Variants in MRPL44 observed in about 807,000 individuals in gnomAD.
MRPL44 encodes large ribosomal subunit protein mL44.
MRPL44 carries 21 observed loss-of-function variants against 25.9 expected under a neutral mutation model. The observed-to-expected ratio is 0.81, with a 90% CI of 0.58 to 1.17. The LOEUF is 1.17. Among genes scored for constraint, MRPL44 ranks in the 50% most tolerant of loss-of-function variants. The pLI is 0.00. For missense variants in MRPL44, 410 were observed against 398.9 expected, an observed-to-expected ratio of 1.03 and a Z score of -0.24; for synonymous variants, 169 against 151.0, an observed-to-expected ratio of 1.12 and a Z score of -0.87.
Position 223,958,263 on chromosome 2 carries a change from T to C in MRPL44, c.179+612T>C, listed in dbSNP as rs559042786. 5.3e-5 allele frequency among the ~76,000 whole-genome samples: 8 copies of C among 152,354 alleles called. No homozygotes were observed. In the South Asian group the frequency reaches 1.7e-3, roughly 32 times the overall value. ...GGTATTACAAAGATATGTACCTCAC[T>C]CTTTTTTATGGCTCTGTATATATGG... On this transcript the variant is annotated intron_variant, in intron 1 of 3. Transcript: ENST00000258383.
intron 3 of MRPL44, among the ~76,000 whole-genome samples, chr2:223,965,308 A>G (rs1487149966): frequency 2.6e-5 from 4 of 152,168 alleles, no homozygotes; most frequent in African/African-American, 9.6e-5. Flanking sequence ...AATTATTGTC[A>G]TAACAGATGT....
At chr2:223,964,661 A>G (rs903771473) in intron 3 of MRPL44, among the ~76,000 whole-genome samples, 1 of 152,158 alleles carries the variant, frequency 6.6e-6, no homozygotes, top group Non-Finnish European at 1.5e-5. Flanking sequence ...CATATCTTTT[A>G]TCATCAGTTT....
In MRPL44 at chr2:223,959,930, G is replaced by A; in HGVS notation, c.576G>A (p.Gln192=). ...EEFPVPPAVL[Q]QTFFAVIGAL... ...TCCCAGTGCCCCCAGCTGTGTTACA[G>A]CAGACTTTCTTTGCAGTTATTGGAG... is the stretch of plus-strand genomic sequence containing the variant. Residue 192 remains glutamine, a synonymous_variant, in exon 2 of 4, where the codon CAG becomes CAA. Coordinates refer to ENST00000258383, the MANE Select transcript of MRPL44 (RefSeq NM_022915.5). The A allele has an allele frequency of 6.2e-7, 1 of 1,614,230 alleles. No homozygotes were observed. The highest frequency in any genetic ancestry group is 2.2e-5 in the East Asian group (1 of 44,890).
At chr2:223,964,937 G>A (rs1689720029) in intron 3 of MRPL44, among the ~76,000 whole-genome samples, 1 of 152,026 alleles carries the variant, frequency 6.6e-6, no homozygotes, top group Non-Finnish European at 1.5e-5. Context: ...TATTCCACAA[G>A]AGGGAAATGA....
chr2:223,964,875 T>G lies in MRPL44; in HGVS notation c.827+941T>G, dbSNP rs188931423. Among the ~76,000 whole-genome samples the G allele has an allele frequency of 2.0e-5, 3 of 152,296 alleles. No individual in the cohort carries two copies. In the East Asian group the frequency reaches 5.8e-4, roughly 29 times the overall value. The stretch of plus-strand genomic sequence containing the variant: ...CATACTTTGAACAGTTGCTGGGACA[T>G]GGTGGTCAGTAAATAGTTGTTGAAC... On this transcript the variant is annotated intron_variant, in intron 3 of 3. Transcript: ENST00000258383.
the MRPL44 span, among the ~76,000 whole-genome samples, chr2:223,952,323 G>T: frequency 6.6e-6 from 1 of 152,068 alleles, no homozygotes; most frequent in Non-Finnish European, 1.5e-5. Flanking sequence ...CTCTTTTGTC[G>T]CAGCCCTCAA....
rs781235686 is a variant in MRPL44 at position 223,959,647 on chromosome 2, T to C, written c.293T>C (p.Ile98Thr). The C allele has an allele frequency of 2.5e-6, 4 of 1,614,258 alleles. No individual in the cohort carries two copies. In the Middle Eastern group the frequency reaches 4.9e-4, roughly 200 times the overall value. The change falls in exon 2 of 4, where the codon ATT becomes ACT. Residue 98 changes from isoleucine to threonine, a missense_variant. By Grantham distance (89) the Ile-to-Thr change is moderately conservative. Transcript: ENST00000258383. ...ACTGCATTTGTTAATAGCTGCTATA[T>C]TAAAAGTGAGGAGGCCAAACGCCAA... ...LKTAFVNSCY[I>T]KSEEAKRQQL... is the part of the protein sequence containing the mutation.
chr2:223,962,432 C>T (rs1372306765), intron 2 of MRPL44, among the ~76,000 whole-genome samples: 2 of 150,738 alleles, frequency 1.3e-5, no homozygotes, highest in East Asian at 3.9e-4. Context: ...AATTTCTTCC[C>T]TCTGCCTCCA....
chr2:223,951,478 G>GTTTTGTTT, the MRPL44 span, among the ~76,000 whole-genome samples: 2 of 112,544 alleles, frequency 1.8e-5, no homozygotes, highest in Admixed American at 9.6e-5. Flanking sequence ...TTACCTTGGA[G>GTTTTGTTT]TTTTTTTTTT....
chr2:223,964,807 A>G (rs942479541), intron 3 of MRPL44, among the ~76,000 whole-genome samples: 5 of 152,282 alleles, frequency 3.3e-5, no homozygotes, highest in African/African-American at 1.2e-4. Flanking sequence ...TTTACAGGCA[A>G]ATTTTGTGAA....
chr2:223,960,083 C>A, intron 2 of MRPL44, 81 bp downstream of exon 2: 1 of 1,167,038 alleles, frequency 8.6e-7, no homozygotes, highest in Non-Finnish European at 1.2e-6. Context: ...TGATATATCA[C>A]CTTGGAAGTG....
intron 2 of MRPL44, among the ~76,000 whole-genome samples, chr2:223,962,259 T>G (rs1408165837): frequency 1.3e-5 from 2 of 152,158 alleles, no homozygotes. Context: ...AACTCCTGAT[T>G]TCAAGTGATC....
upstream of MRPL44, chr2:223,957,416 T>TA: frequency 6.2e-7 from 1 of 1,603,530 alleles, no homozygotes; most frequent in Non-Finnish European, 8.5e-7. Flanking sequence ...GGAAGTGTGT[T>TA]ACGGGGACAC....
chr2:223,953,207 T>C (rs1428420808), upstream of MRPL44, among the ~76,000 whole-genome samples: 1 of 151,396 alleles, frequency 6.6e-6, no homozygotes, highest in Non-Finnish European at 1.5e-5. Context: ...CTATCTTGGC[T>C]CACTGCAACC....
chr2:223,951,478 G>GTTTTTTTTTTTGTTTTTTTTT, the MRPL44 span, among the ~76,000 whole-genome samples: 1 of 112,560 alleles, frequency 8.9e-6, no homozygotes, highest in Admixed American at 9.6e-5. Flanking sequence ...TTACCTTGGA[G>GTTTTTTTTTTTGTTTTTTTTT]TTTTTTTTTT....
upstream of MRPL44, chr2:223,957,306 C>T: frequency 2.6e-6 from 2 of 773,410 alleles, no homozygotes; most frequent in Non-Finnish European, 4.2e-6. Flanking sequence ...AATCACCCCG[C>T]CCCGGGGCTG....
At chr2:223,966,638 A>G (rs1221051944) in intron 3 of MRPL44, among the ~76,000 whole-genome samples, 2 of 152,230 alleles carry the variant, frequency 1.3e-5, no homozygotes, top group Non-Finnish European at 1.5e-5. Context: ...ACAGAGTTGT[A>G]TATATTTCTA....
At chr2:223,964,750 T>C (rs1689717914) in intron 3 of MRPL44, among the ~76,000 whole-genome samples, 1 of 152,210 alleles carries the variant, frequency 6.6e-6, no homozygotes, top group Non-Finnish European at 1.5e-5. Context: ...TAAAATTTTT[T>C]ATGTTCTTTG....
the MRPL44 span, among the ~76,000 whole-genome samples, chr2:223,951,377 G>C: frequency 9.9e-5 from 15 of 151,932 alleles, no homozygotes; most frequent in Non-Finnish European, 1.8e-4. Context: ...GTGATTTCTT[G>C]CATTTCTAAA....
Sources: gnomAD v4.1 joint callset for allele counts (sites outside exome capture counted in the v4.1 genomes callset) on GRCh38, gnomAD v4.1.1 for gene constraint, MANE v1.5 for transcripts, NCBI Gene and HGNC (gene_info 2026-07-23, HGNC 2026-07-21) for gene names.